FECH: variants seen among roughly 807,000 people sequenced by gnomAD.
FECH encodes the protein ferrochelatase.
A neutral mutation model predicts 56.9 loss-of-function variants in FECH; 40 were observed. The ratio of observed to expected loss-of-function variants is 0.70; its 90% CI spans 0.55 to 0.92. The LOEUF (loss-of-function observed/expected upper bound fraction) is 0.92, where lower values mean the gene tolerates loss of function less well. Among genes scored for constraint, FECH ranks in the 40% least tolerant of loss-of-function variants. FECH has a pLI of 0.00. For missense variants in FECH, 431 were observed against 529.1 expected (o/e 0.81, Z 1.82); for synonymous variants, 175 against 198.6 (o/e 0.88, Z 1.00).
rs2051017664 is a variant in FECH, at chr18:57,566,463, G to A, written c.582C>T (p.Tyr194=). 1.2e-6 allele frequency: 2 copies of A among 1,614,180 alleles called. No homozygotes were observed. The highest frequency in any genetic ancestry group is 1.7e-6 in the Non-Finnish European group (2 of 1,180,020). Residue 194 remains tyrosine, a synonymous_variant, in exon 5 of 11, where the codon TAC becomes TAT. Transcript: ENST00000262093. ...RAIAFTQYPQ[Y]SCSTTGSSLN... ...TGCCCTTACCTGTGGTGGAGCAGCTGTACTGTGGATACTGTGTGAAAGCAA... is the reference window on the plus strand; with the variant it reads ...TGCCCTTACCTGTGGTGGAGCAGCTATACTGTGGATACTGTGTGAAAGCAA...
chr18:57,584,429 A>C (rs2051335370), intron 1 of FECH, among the ~76,000 whole-genome samples: 1 of 152,008 alleles, frequency 6.6e-6, no homozygotes, highest in Admixed American at 6.6e-5. Context: ...AGAAGTTCCT[A>C]AGTTATGACT....
intron 6 of FECH, among the ~76,000 whole-genome samples, chr18:57,560,970 C>T (rs1488545919): frequency 6.6e-6 from 1 of 152,016 alleles, no homozygotes; most frequent in East Asian, 1.9e-4. Flanking sequence ...AGTTAAGTTC[C>T]CTTTTCAGAA....
At chr18:57,567,059 G>A (rs1193682088) in intron 4 of FECH, among the ~76,000 whole-genome samples, 3 of 151,880 alleles carry the variant, frequency 2.0e-5, no homozygotes, top group Admixed American at 6.6e-5. Flanking sequence ...GCAGGTGGTC[G>A]AGCTGGAATT....
At chr18:57,575,782 G>A (rs1049742209) in intron 2 of FECH, among the ~76,000 whole-genome samples, 5 of 141,266 alleles carry the variant, frequency 3.5e-5, no homozygotes, top group African/African-American at 1.1e-4. Flanking sequence ...TGGCAATAAC[G>A]TAAGGCAGCA....
chr18:57,582,624 AAAAG>A (rs1363875795), intron 1 of FECH, among the ~76,000 whole-genome samples: 2 of 151,970 alleles, frequency 1.3e-5, no homozygotes, highest in African/African-American at 4.8e-5. Context: ...AGTTAAAAAA[AAAAG>A]AAAGGCCGGG....
intron 6 of FECH, among the ~76,000 whole-genome samples, chr18:57,560,818 G>A (rs757981220): frequency 1.1e-4 from 17 of 152,162 alleles, no homozygotes; most frequent in South Asian, 4.1e-4. Context: ...ATCTGCACTT[G>A]TTGGTATTTT....
chr18:57,553,175 A>T (rs2050821850), intron 9 of FECH, among the ~76,000 whole-genome samples: 1 of 148,848 alleles, frequency 6.7e-6, no homozygotes, highest in Admixed American at 6.7e-5. Context: ...AGCCAAGCTC[A>T]TAGTGAGATA....
rs2050714666 is a variant in FECH at position 57,545,922 on chromosome 18, C to T, written c.*4790G>A. 6.6e-6 allele frequency among the ~76,000 whole-genome samples: 1 copy of T among 152,192 alleles called. No homozygotes were observed. Among genetic ancestry groups the T allele is most frequent in the African/African-American group, 2.4e-5 (1 of 41,444 alleles). On this transcript the variant is annotated 3_prime_UTR_variant, in exon 11 of 11. Coordinates refer to ENST00000262093, the MANE Select transcript of FECH (RefSeq NM_000140.5). ...AGCATGGCGAATGTAGTTAATAATA[C>T]TTCAAGTACTGTAGACAGTTGTCCT...
intron 5 of FECH, 116 bp downstream of exon 5, chr18:57,566,331 G>T: frequency 1.4e-6 from 2 of 1,404,316 alleles, no homozygotes; most frequent in Non-Finnish European, 2.0e-6. Flanking sequence ...AAAGAAGACA[G>T]GTTGAATTTG....
At chr18:57,569,251 A>G (rs1431088594) in intron 4 of FECH, among the ~76,000 whole-genome samples, 1 of 152,218 alleles carries the variant, frequency 6.6e-6, no homozygotes. Flanking sequence ...CATTTCTGCA[A>G]TGCAATGTAA....
chr18:57,566,964 T>C (rs1317245331), intron 4 of FECH, among the ~76,000 whole-genome samples: 1 of 152,028 alleles, frequency 6.6e-6, no homozygotes, highest in African/African-American at 2.4e-5. Flanking sequence ...CACTGGGCAT[T>C]ATTTTTTTAA....
rs1233196199 is a variant in FECH at position 57,586,609 on chromosome 18, G to A, written c.12C>T (p.Leu4=). 2.3e-5 allele frequency: 35 copies of A among 1,522,132 alleles called. No homozygotes were observed. Among genetic ancestry groups the A allele is most frequent in the Non-Finnish European group, 3.0e-5 (34 of 1,141,586 alleles). The allele number at this position is 1,522,132 out of a possible 1,614,324, so 94.3% of individuals were successfully genotyped here. The change falls in exon 1 of 11, where the codon CTC becomes CTT. Residue 4 remains leucine (L), a synonymous_variant. Transcript: ENST00000262093. Reference sequence around the variant, plus strand: ...GCAGGGCCGCAGCCATGTTTGCGCCGAGTGAACGCATTGCCTGGGCAGCCT... The same window carrying A: ...GCAGGGCCGCAGCCATGTTTGCGCCAAGTGAACGCATTGCCTGGGCAGCCT... MRS[L]GANMAAALRA...
At chr18:57,571,580 G>A in intron 3 of FECH, 40 bp from the exon 4 acceptor site, 1 of 1,613,896 alleles carries the variant, frequency 6.2e-7, no homozygotes, top group Non-Finnish European at 8.5e-7. Context: ...TTTTATTCCA[G>A]CTTAGCAACC....
intron 4 of FECH, among the ~76,000 whole-genome samples, chr18:57,569,782 C>T (rs2122312729): frequency 6.6e-6 from 1 of 152,118 alleles, no homozygotes; most frequent in South Asian, 2.1e-4. Flanking sequence ...ACCTTTCTGC[C>T]TCCTCTTCCC....
intron 1 of FECH, among the ~76,000 whole-genome samples, chr18:57,584,433 T>C (rs1260314004): frequency 6.6e-6 from 1 of 151,548 alleles, no homozygotes; most frequent in Non-Finnish European, 1.5e-5. Flanking sequence ...GTTCCTAAGT[T>C]ATGACTTCAT....
At chr18:57,577,047 T>C (rs1305191517) in intron 2 of FECH, among the ~76,000 whole-genome samples, 1 of 152,238 alleles carries the variant, frequency 6.6e-6, no homozygotes, top group Non-Finnish European at 1.5e-5. Context: ...AAATATTAAA[T>C]GTACGTAACA....
chr18:57,560,546 C>G (rs1425610956), intron 6 of FECH, among the ~76,000 whole-genome samples: 1 of 152,174 alleles, frequency 6.6e-6, no homozygotes, highest in African/African-American at 2.4e-5. Flanking sequence ...AGCTACTCAG[C>G]AGGCTGAGGC....
At chr18:57,552,111 T>C (rs919740638) in intron 9 of FECH, among the ~76,000 whole-genome samples, 1 of 151,926 alleles carries the variant, frequency 6.6e-6, no homozygotes, top group Non-Finnish European at 1.5e-5. Context: ...CTCGAACTCC[T>C]GACCTCAAAC....
chr18:57,554,657 G>A (rs1166091488), intron 8 of FECH, among the ~76,000 whole-genome samples, 188 bp downstream of exon 8: 3 of 152,186 alleles, frequency 2.0e-5, no homozygotes, highest in Non-Finnish European at 4.4e-5. Context: ...TTAAACCAAT[G>A]GAGCTCCACG....
Sources: allele counts gnomAD v4.1 joint callset (sites outside exome capture counted in the v4.1 genomes callset), GRCh38; gene constraint gnomAD v4.1.1; transcripts MANE v1.5; gene names NCBI Gene and HGNC (gene_info 2026-07-23, HGNC 2026-07-21).